The following ADAT1 variants were observed in gnomAD, a reference collection of about 807,000 sequenced individuals.
ADAT1 encodes the protein tRNA-specific adenosine deaminase 1.
A neutral mutation model predicts 58.6 loss-of-function variants in ADAT1; 58 were observed. The observed-to-expected ratio is 0.99, with a 90% CI of 0.80 to 1.23. The LOEUF is 1.23. Ranked by LOEUF, ADAT1 falls within the 50% of genes most tolerant of loss-of-function variation. The pLI, the probability that ADAT1 is intolerant of heterozygous loss-of-function variation, is 0.00. For synonymous variants in ADAT1, 254 were observed against 220.8 expected (o/e 1.15, Z -1.33); for missense variants, 741 against 608.6 (o/e 1.22, Z -2.29).
chr16:75,614,189 C>T (rs2081636050), intron 5 of ADAT1, among the ~76,000 whole-genome samples: 1 of 149,882 alleles, frequency 6.7e-6, no homozygotes, highest in Admixed American at 6.6e-5. Context: ...GATTCCATCT[C>T]AAAAAAAAAG....
chr16:75,617,579 A>T (rs2081774645), intron 4 of ADAT1, among the ~76,000 whole-genome samples: 1 of 151,426 alleles, frequency 6.6e-6, no homozygotes, highest in African/African-American at 2.4e-5. Context: ...GGCTGTAGTG[A>T]GCTATGATTC....
chr16:75,620,546 C>T (rs1597145487), intron 2 of ADAT1, 85 bp downstream of exon 2: 3 of 1,522,904 alleles, frequency 2.0e-6, no homozygotes, highest in East Asian at 2.3e-5. Flanking sequence ...TCACACCCTA[C>T]CCACGACTGT....
chr16:75,615,996 T>TTC (rs1323033531), intron 5 of ADAT1, among the ~76,000 whole-genome samples: 7 of 151,452 alleles, frequency 4.6e-5, no homozygotes, highest in East Asian at 1.9e-4. Flanking sequence ...TCTTTCTTTC[T>TTC]TCTCTCTCTT....
intron 3 of ADAT1, 72 bp downstream of exon 3, chr16:75,620,194 C>T (rs2081886088): frequency 4.7e-6 from 7 of 1,493,212 alleles, no homozygotes; most frequent in Non-Finnish European, 6.5e-6. Context: ...GCCCCTCTTC[C>T]CTGACAAGGA....
intron 2 of ADAT1, 78 bp from the exon 3 acceptor site, chr16:75,620,412 C>A (rs2081894290): frequency 1.3e-6 from 2 of 1,524,672 alleles, no homozygotes; most frequent in Admixed American, 3.3e-5. Flanking sequence ...AGCCTGCACA[C>A]TCCTCTAGGG....
intron 6 of ADAT1, among the ~76,000 whole-genome samples, chr16:75,610,651 T>C (rs2081504017): frequency 6.6e-6 from 1 of 152,176 alleles, no homozygotes; most frequent in Non-Finnish European, 1.5e-5. Context: ...GGAGTGGAAT[T>C]GCTGGACCAT....
Position 75,617,216 on chromosome 16 carries a change from A to G in ADAT1, c.350T>C (p.Val117Ala). ...AATLKEDSIF[V>A]PGTQKGVWKL... ...CCACACTCCTTTTTGAGTTCCTGGG[A>G]CAAAGATGCTATCCTCTTTCAGGGT... is the stretch of plus-strand genomic sequence containing the variant. The change falls in exon 5 of 10, where the codon GTC becomes GCC. Residue 117 changes from valine (V) to alanine (A), a missense_variant. By Grantham distance (64) the Val-to-Ala change is moderately conservative. Transcript: ENST00000564657. 8 of 1,614,074 alleles carry G rather than the reference A, an allele frequency of 5.0e-6. No homozygotes were observed. The highest frequency in any genetic ancestry group is 6.8e-6 in the Non-Finnish European group (8 of 1,179,932).
At chr16:75,615,184 G>GAAA (rs11383665) in intron 5 of ADAT1, among the ~76,000 whole-genome samples, 1 of 130,956 alleles carries the variant, frequency 7.6e-6, no homozygotes. Context: ...CCGAGATCGA[G>GAAA]AAAAAAAAAA....
At chr16:75,615,090 G>T (rs541754407) in intron 5 of ADAT1, among the ~76,000 whole-genome samples, 1 of 152,020 alleles carries the variant, frequency 6.6e-6, no homozygotes, top group East Asian at 1.9e-4. Flanking sequence ...AGCCGGGCGT[G>T]GTGGCGCATG....
At chr16:75,604,933 T>C (rs1397135553) in intron 8 of ADAT1, among the ~76,000 whole-genome samples, 2 of 152,278 alleles carry the variant, frequency 1.3e-5, no homozygotes, top group South Asian at 4.1e-4. Flanking sequence ...CACTTACACA[T>C]AGATTTTCTT....
At chr16:75,609,025 T>C (rs749025222) in intron 6 of ADAT1, 37 bp from the exon 7 acceptor site, 20 of 1,612,270 alleles carry the variant, frequency 1.2e-5, no homozygotes, top group South Asian at 5.5e-5. Context: ...TTTAGGTGCA[T>C]GCCTAGAGAA....
Position 75,596,961 on chromosome 16 carries a change from G to C in ADAT1, c.*3255C>G, listed in dbSNP as rs954515768. On this transcript the variant is annotated 3_prime_UTR_variant, in exon 10 of 10. Coordinates refer to ENST00000564657, the MANE Select transcript of ADAT1 (RefSeq NM_001324445.2). The stretch of plus-strand genomic sequence containing the variant: ...AAAACATGTTAAGTGAAAGAAGCCA[G>C]TCACAAAAGACCACATATTCTATGA... 1.3e-5 allele frequency: 2 copies of C among 152,244 alleles called. No homozygotes were observed. Among genetic ancestry groups the C allele is most frequent in the African/African-American group, 4.8e-5 (2 of 41,426 alleles). 9.4% of individuals were successfully genotyped at this position (152,244 alleles called of 1,614,324 possible).
At chr16:75,609,860 T>A (rs1462458070) in intron 6 of ADAT1, among the ~76,000 whole-genome samples, 1 of 151,888 alleles carries the variant, frequency 6.6e-6, no homozygotes, top group Non-Finnish European at 1.5e-5. Flanking sequence ...TGCACCATCA[T>A]GTCCGACTAA....
chr16:75,602,881 A>T (rs571002197), intron 9 of ADAT1, among the ~76,000 whole-genome samples: 1 of 152,320 alleles, frequency 6.6e-6, no homozygotes, highest in East Asian at 1.9e-4. Context: ...TTATAACTCT[A>T]TACCACCAAA....
intron 9 of ADAT1, among the ~76,000 whole-genome samples, chr16:75,602,467 G>C (rs947488642): frequency 1.3e-5 from 2 of 152,214 alleles, no homozygotes; most frequent in African/African-American, 4.8e-5. Flanking sequence ...TCTAGTGAAT[G>C]ACTGAACGTG....
In ADAT1 at chr16:75,608,217, G is replaced by C; in HGVS notation, c.1289+7C>G. On this transcript the variant is annotated splice_region_variant and intron_variant, in intron 8 of 9. Coordinates refer to ENST00000564657, the MANE Select transcript of ADAT1 (RefSeq NM_001324445.2). ...CCACCATCTCCTCCTGCCCCAATAT[G>C]CTGTACCTTGCCTGAAGGCTTCCAA... 6.2e-7 allele frequency: 1 copy of C among 1,612,710 alleles called. No homozygotes were observed. Among genetic ancestry groups the C allele is most frequent in the Non-Finnish European group, 8.5e-7 (1 of 1,178,872 alleles).
intron 6 of ADAT1, among the ~76,000 whole-genome samples, chr16:75,611,956 G>A (rs1334503439): frequency 6.6e-6 from 1 of 152,054 alleles, no homozygotes; most frequent in Non-Finnish European, 1.5e-5. Context: ...TACTCATGAA[G>A]CTGAGGCAGG....
rs1597121879 is a variant in ADAT1, at chr16:75,612,985, A to G, written c.425-124T>C. 4.2e-6 allele frequency: 5 copies of G among 1,202,472 alleles called. No homozygotes were observed. In the East Asian group the frequency reaches 1.3e-4, roughly 30 times the overall value. The allele number at this position is 1,202,472 out of a possible 1,614,324, so 74.5% of individuals were successfully genotyped here. A position where few individuals can be genotyped will look rare whatever the true frequency, so the allele number is the denominator to read the frequency against. On this transcript the variant is annotated intron_variant, in intron 5 of 9. Coordinates refer to ENST00000564657, the MANE Select transcript of ADAT1 (RefSeq NM_001324445.2). ...TTGGGACCCACAGTAGACCTGCTGA[A>G]TCAGAAACTCCGGAGGCAGAGCCCA... is the stretch of plus-strand genomic sequence containing the variant.
Position 75,614,270 on chromosome 16 carries a change from TAA to T in ADAT1, c.425-1411_425-1410del, listed in dbSNP as rs545212331. Among the ~76,000 whole-genome samples, 16 of 152,292 alleles carry T rather than the reference TAA, an allele frequency of 1.1e-4. No individual in the cohort carries two copies. The South Asian group carries it at 3.3e-3, about 32-fold the overall frequency. ...GATTTTATGATGCATGGCCCCACAG[TAA>T]AGACTCTAAAGTAAATTACACACCT... On this transcript the variant is annotated intron_variant, in intron 5 of 9. Coordinates refer to ENST00000564657, the MANE Select transcript of ADAT1 (RefSeq NM_001324445.2).
Sources: allele counts gnomAD v4.1 joint callset (sites outside exome capture counted in the v4.1 genomes callset), GRCh38; gene constraint gnomAD v4.1.1; transcripts MANE v1.5; gene names NCBI Gene and HGNC (gene_info 2026-07-23, HGNC 2026-07-21).